Variants in PHRF1 observed in about 807,000 individuals in gnomAD.
PHRF1 encodes the protein PHD and RING finger domain-containing protein 1.
A neutral mutation model predicts 128.9 loss-of-function variants in PHRF1; 53 were observed. That is an observed-to-expected ratio of 0.41 (90% CI 0.33 to 0.52). PHRF1 has a LOEUF of 0.52. PHRF1 is among the 20% of genes least tolerant of loss of function. PHRF1 has a pLI of 0.21. For missense variants in PHRF1, 2,503 were observed against 2,284.5 expected (o/e 1.10, Z -1.95); for synonymous variants, 1,178 against 980.6 (o/e 1.20, Z -3.76).
At position 611,102 on chromosome 11, in the gene PHRF1, G is replaced by T; in HGVS notation, c.4806+20G>T. The T allele has an allele frequency of 6.2e-7, 1 of 1,611,960 alleles. No individual in the cohort carries two copies. The highest frequency in any genetic ancestry group is 2.2e-5 in the East Asian group (1 of 44,846). ...CAGAAGGTGGGCTGTGTGCGAGCCT[G>T]TGTGTGGGGCTCGGGGTCACGGGCG... On this transcript the variant is annotated intron_variant, in intron 17 of 17. Transcript: ENST00000264555.
chr11:611,971 G>C lies in PHRF1; in HGVS notation c.*194G>C. On this transcript the variant is annotated 3_prime_UTR_variant, in exon 18 of 18. Coordinates refer to ENST00000264555, the MANE Select transcript of PHRF1 (RefSeq NM_001286581.2). ...GACACCTGGTCTGTGCACCTGTGTT[G>C]CTCACAGTTGAAAACTGGACACTTT... 1 of 818,216 alleles carries C rather than the reference G, an allele frequency of 1.2e-6. No homozygotes were observed. The highest frequency in any genetic ancestry group is 2.9e-5 in the Admixed American group (1 of 33,902). 50.7% of individuals were successfully genotyped at this position (818,216 alleles called of 1,614,324 possible).
Position 612,066 on chromosome 11 carries a change from T to A in PHRF1, c.*289T>A. ...AAATGGATTATCTTTAGAAACCTCT[T>A]GATTGACTTACTACTTGGAAGATAA... On this transcript the variant is annotated 3_prime_UTR_variant, in exon 18 of 18. Transcript: ENST00000264555. 1 of 463,532 alleles carries A rather than the reference T, an allele frequency of 2.2e-6. No homozygotes were observed. The highest frequency in any genetic ancestry group is 3.8e-6 in the Non-Finnish European group (1 of 263,210). 28.7% of individuals were successfully genotyped at this position (463,532 alleles called of 1,614,324 possible).
rs765633901 is a variant in PHRF1 at position 608,290 on chromosome 11, A to G, written c.2834A>G (p.Asp945Gly). ...CCCCCAGAGCCCTGGGATGAGGAGG[A>G]TGGGGCGTCTTGCAGCACCTTCTTT... is the stretch of plus-strand genomic sequence containing the variant. ...PSPPEPWDEE[D>G]GASCSTFFGS... Residue 945 changes from aspartate to glycine, a missense_variant, in exon 14 of 18, where the codon GAT becomes GGT. By Grantham distance (94) the Asp-to-Gly change is moderately conservative. Coordinates refer to ENST00000264555, the MANE Select transcript of PHRF1 (RefSeq NM_001286581.2). The G allele has an allele frequency of 6.2e-7, 1 of 1,609,812 alleles. No individual in the cohort carries two copies. Among genetic ancestry groups the G allele is most frequent in the Non-Finnish European group, 8.5e-7 (1 of 1,179,258 alleles).
Position 577,886 on chromosome 11 carries a change from G to A in PHRF1, c.-22+1294G>A, listed in dbSNP as rs184800096. Among the ~76,000 whole-genome samples the A allele has an allele frequency of 3.3e-3, 500 of 152,376 alleles. 2 individuals carry two copies. The highest frequency in any genetic ancestry group is 5.8e-3 in the Non-Finnish European group (394 of 68,028). On this transcript the variant is annotated intron_variant, in intron 1 of 17. Coordinates refer to ENST00000264555, the MANE Select transcript of PHRF1 (RefSeq NM_001286581.2). The stretch of plus-strand genomic sequence containing the variant: ...GTTCCCCTGAATTTGAAAAGAGAGA[G>A]AAATAGCCTTTCCAGTTTTTTGTTT...
At position 598,462 on chromosome 11, in the gene PHRF1, C is replaced by T. The variant is rs750651610; in HGVS notation, c.984C>T (p.Pro328=). Residue 328 remains proline (P), a synonymous_variant, in exon 9 of 18, where the codon CCC becomes CCT. Transcript: ENST00000264555. ...TGLSTAVYQR[P]LTPRTPARRK... ...TGAGCACTGCCGTGTATCAGCGCCCCCTGACGCCGCGCACTCCCGCCCGAC... is the reference window on the plus strand; with the variant it reads ...TGAGCACTGCCGTGTATCAGCGCCCTCTGACGCCGCGCACTCCCGCCCGAC... The T allele has an allele frequency of 7.5e-6, 12 of 1,610,562 alleles. No individual in the cohort carries two copies. Among genetic ancestry groups the T allele is most frequent in the Middle Eastern group, 1.6e-4 (1 of 6,082 alleles).
In PHRF1 at chr11:602,754, TG is replaced by T. The variant is rs1564857872; in HGVS notation, c.1152+1054del. Among the ~76,000 whole-genome samples, 340 of 144,388 alleles carry T rather than the reference TG, an allele frequency of 2.4e-3. 4 individuals are homozygous for T. The highest frequency in any genetic ancestry group is 8.8e-3 in the African/African-American group (301 of 34,360). 94.7% of individuals were successfully genotyped at this position (144,388 alleles called of 152,430 possible). A position where few individuals can be genotyped will look rare whatever the true frequency, so the allele number is the denominator to read the frequency against. ...GTGTTTGCTGAATCTTTTTTGGTTT[TG>T]TTTTTGTTTTTTTTGTTTTTTTTTT... On this transcript the variant is annotated intron_variant, in intron 10 of 17. Transcript: ENST00000264555.
chr11:577,916 C>G (rs985143294), intron 1 of PHRF1, among the ~76,000 whole-genome samples: 1 of 152,234 alleles, frequency 6.6e-6, no homozygotes, highest in East Asian at 1.9e-4. Context: ...TTGTTTTCCT[C>G]TTTAATCCCC....
intron 3 of PHRF1, among the ~76,000 whole-genome samples, chr11:584,085 C>G (rs762535997): frequency 6.6e-6 from 1 of 152,240 alleles, no homozygotes. Flanking sequence ...GAATGGCACT[C>G]ATGGCCTGAG....
chr11:606,316 G>T (rs991972864), intron 12 of PHRF1, 126 bp from the exon 13 acceptor site: 6 of 1,245,388 alleles, frequency 4.8e-6, no homozygotes, highest in African/African-American at 1.5e-5. Flanking sequence ...CCAGGGCTGT[G>T]GGGGAGGCGC....
Position 587,245 on chromosome 11 carries a change from T to C in PHRF1, c.215-14T>C, listed in dbSNP as rs762502328. 1.9e-6 allele frequency: 3 copies of C among 1,611,986 alleles called. No homozygotes were observed. Among genetic ancestry groups the C allele is most frequent in the Non-Finnish European group, 2.5e-6 (3 of 1,179,414 alleles). ...CCCATCCTGCTTGCACCAGCTGGCA[T>C]GTTTCCTCTCCAGGTTCCGAGGATT... On this transcript the variant is annotated splice_polypyrimidine_tract_variant and intron_variant, in intron 3 of 17. Transcript: ENST00000264555.
intron 6 of PHRF1, 150 bp from the exon 7 acceptor site, chr11:596,773 T>C (rs547897742): frequency 6.0e-5 from 38 of 631,206 alleles, no homozygotes; most frequent in Admixed American, 3.0e-4. Flanking sequence ...GGGCTTCTTA[T>C]GAATTTTGGA....
At position 609,603 on chromosome 11, in the gene PHRF1, C is replaced by A. The variant is rs375620742; in HGVS notation, c.4147C>A (p.Arg1383=). 2 of 1,591,966 alleles carry A rather than the reference C, an allele frequency of 1.3e-6. No individual in the cohort carries two copies. Among genetic ancestry groups the A allele is most frequent in the East Asian group, 2.3e-5 (1 of 43,818 alleles). The change falls in exon 14 of 18, where the codon CGG becomes AGG. Residue 1383 remains arginine (R), a synonymous_variant. Transcript: ENST00000264555. ...SASGRVQEAA[R]PEEVVSQTPL... ...GAGTGGGAGGGTACAGGAGGCAGCC[C>A]GGCCTGAGGAGGTGGTTTCGCAGAC...
intron 9 of PHRF1, among the ~76,000 whole-genome samples, chr11:599,068 T>C (rs1054807899): frequency 6.6e-6 from 1 of 152,186 alleles, no homozygotes; most frequent in South Asian, 2.1e-4. Context: ...CTGCACCTTG[T>C]CAGACACCCC....
intron 10 of PHRF1, 21 bp downstream of exon 10, chr11:601,722 C>T: frequency 3.1e-6 from 5 of 1,613,068 alleles, no homozygotes; most frequent in Non-Finnish European, 2.5e-6. Flanking sequence ...GGTGGCAGGG[C>T]CTGAGTCTCC....
Position 601,667 on chromosome 11 carries a change from A to G in PHRF1, c.1118A>G (p.His373Arg), listed in dbSNP as rs1855635268. Residue 373 changes from histidine (H) to arginine (R), a missense_variant, in exon 10 of 18, where the codon CAT becomes CGT. By Grantham distance (29) the His-to-Arg change is conservative (BLOSUM62 0). Transcript: ENST00000264555. The part of the protein sequence containing the change: ...SSATRSKKRQ[H>R]RVKKRRGKKV... The stretch of plus-strand genomic sequence containing the variant: ...GCGACAAGATCTAAGAAACGCCAAC[A>G]TCGAGTGAAGAAGAGAAGAGGGAAG... 6.2e-7 allele frequency: 1 copy of G among 1,613,726 alleles called. No homozygotes were observed. The highest frequency in any genetic ancestry group is 1.7e-5 in the Admixed American group (1 of 59,996).
chr11:610,445 T>A, intron 15 of PHRF1, 56 bp from the exon 16 acceptor site: 1 of 1,567,092 alleles, frequency 6.4e-7, no homozygotes, highest in Non-Finnish European at 8.7e-7. Context: ...TCACAGCTCC[T>A]GGGCACAGAG....
intron 3 of PHRF1, 136 bp from the exon 4 acceptor site, chr11:587,123 G>A: frequency 2.6e-6 from 2 of 767,364 alleles, no homozygotes; most frequent in African/African-American, 1.7e-5. Flanking sequence ...GTGGAGGTAA[G>A]TGGCAGGAGC....
rs116371715 is a variant in PHRF1, at chr11:582,504, C to T, written c.214+423C>T. Among the ~76,000 whole-genome samples the T allele has an allele frequency of 5.8e-3, 881 of 151,810 alleles. 5 individuals are homozygous for T. Among genetic ancestry groups the T allele is most frequent in the African/African-American group, 0.019 (807 of 41,420 alleles). The stretch of plus-strand genomic sequence containing the variant: ...GAACTCTTCCTGACCTCAAGTGAGC[C>T]GCTGTGCCTGGCCTGTAGTCCTCCT... On this transcript the variant is annotated intron_variant, in intron 3 of 17. Coordinates refer to ENST00000264555, the MANE Select transcript of PHRF1 (RefSeq NM_001286581.2).
At chr11:588,442 C>T (rs954668634) in intron 4 of PHRF1, among the ~76,000 whole-genome samples, 11 of 151,826 alleles carry the variant, frequency 7.2e-5, no homozygotes, top group Admixed American at 2.6e-4. Flanking sequence ...TGCAATGGCG[C>T]GATCTTGGCT....
Sources: gnomAD v4.1 joint callset for allele counts (sites outside exome capture counted in the v4.1 genomes callset) on GRCh38, gnomAD v4.1.1 for gene constraint, MANE v1.5 for transcripts, NCBI Gene and HGNC (gene_info 2026-07-23, HGNC 2026-07-21) for gene names.